The following VEGFC variants were observed in gnomAD, a reference collection of about 807,000 sequenced individuals.
VEGFC encodes the protein vascular endothelial growth factor C.
A neutral mutation model predicts 46.1 loss-of-function variants in VEGFC; 12 were observed. The ratio of observed to expected loss-of-function variants is 0.26; its 90% CI spans 0.17 to 0.42. The LOEUF (loss-of-function observed/expected upper bound fraction) is 0.42, where lower values mean the gene tolerates loss of function less well. Ranked by LOEUF, VEGFC falls within the 10% of genes least tolerant of loss-of-function variation. VEGFC has a pLI of 1.00. For missense variants in VEGFC, 488 were observed against 529.4 expected (o/e 0.92, Z 0.77); for synonymous variants, 232 against 195.5 (o/e 1.19, Z -1.56).
intron 1 of VEGFC, among the ~76,000 whole-genome samples, chr4:176,730,309 T>C (rs189561695): frequency 3.3e-5 from 5 of 152,262 alleles, no homozygotes; most frequent in Non-Finnish European, 7.4e-5. Context: ...GAAAATTTTA[T>C]CATCAAGATT....
intron 1 of VEGFC, among the ~76,000 whole-genome samples, chr4:176,752,451 C>T (rs1399869253): frequency 6.6e-6 from 1 of 152,018 alleles, no homozygotes; most frequent in East Asian, 1.9e-4. Flanking sequence ...AAGGTTACTG[C>T]CAACAAAACT....
At chr4:176,773,443 T>C (rs1029553506) in intron 1 of VEGFC, among the ~76,000 whole-genome samples, 9 of 152,166 alleles carry the variant, frequency 5.9e-5, no homozygotes, top group African/African-American at 2.2e-4. Context: ...ACTCTCAAAA[T>C]AGTTAGTGAA....
intron 4 of VEGFC, among the ~76,000 whole-genome samples, chr4:176,692,596 C>A (rs1462351430): frequency 1.5e-5 from 2 of 135,652 alleles, no homozygotes; most frequent in Non-Finnish European, 3.0e-5. Flanking sequence ...ACAAAGCAGC[C>A]GGGAAGCTCG....
intron 1 of VEGFC, among the ~76,000 whole-genome samples, chr4:176,735,632 G>T (rs1263969749): frequency 6.6e-6 from 1 of 151,846 alleles, no homozygotes; most frequent in Non-Finnish European, 1.5e-5. Context: ...AATGGAAATT[G>T]TGAAACACAA....
intron 1 of VEGFC, among the ~76,000 whole-genome samples, chr4:176,765,376 G>A (rs775038252): frequency 3.3e-5 from 5 of 151,758 alleles, no homozygotes; most frequent in African/African-American, 4.8e-5. Flanking sequence ...GGAGGATAGA[G>A]ACTATAAAGA....
chr4:176,721,177 A>G (rs1235898449), intron 3 of VEGFC, among the ~76,000 whole-genome samples: 1 of 152,180 alleles, frequency 6.6e-6, no homozygotes, highest in African/African-American at 2.4e-5. Flanking sequence ...TTGAGGCTGG[A>G]CACTTAGGTA....
chr4:176,765,233 T>C (rs1348491424), intron 1 of VEGFC, among the ~76,000 whole-genome samples: 2 of 151,558 alleles, frequency 1.3e-5, no homozygotes, highest in African/African-American at 4.9e-5. Context: ...AAAGGATTAG[T>C]GAACTGGAAG....
At chr4:176,715,243 G>T (rs1197566942) in intron 3 of VEGFC, among the ~76,000 whole-genome samples, 1 of 152,098 alleles carries the variant, frequency 6.6e-6, no homozygotes, top group Non-Finnish European at 1.5e-5. Context: ...TTGTCAAAAG[G>T]AACAGAGATT....
intron 1 of VEGFC, among the ~76,000 whole-genome samples, chr4:176,781,731 T>C (rs749619773): frequency 2.6e-5 from 4 of 152,238 alleles, no homozygotes; most frequent in Non-Finnish European, 5.9e-5. Flanking sequence ...CTCATTTAAT[T>C]GTAAACAAAG....
rs1218941903 is a variant in VEGFC, at chr4:176,740,077, TATATATTCTATATATTCTATAC to T, written c.148-10353_148-10332del. On this transcript the variant is annotated intron_variant, in intron 1 of 6. Transcript: ENST00000618562. ...ATATAGAATATATATAACTATATAT[TATATATTCTATATATTCTATAC>T]ATATATTCTATATATATATTCTATA... Among the ~76,000 whole-genome samples the T allele has an allele frequency of 6.8e-5, 8 of 117,856 alleles. No homozygotes were observed. In the Admixed American group the frequency reaches 8.4e-4, roughly 12 times the overall value. The allele number at this position is 117,856 out of a possible 152,430, so 77.3% of individuals were successfully genotyped here. A position where few individuals can be genotyped will look rare whatever the true frequency, so the allele number is the denominator to read the frequency against.
intron 1 of VEGFC, among the ~76,000 whole-genome samples, chr4:176,784,216 G>A (rs539694608): frequency 2.0e-5 from 3 of 151,692 alleles, no homozygotes; most frequent in African/African-American, 4.8e-5. Context: ...ATACAGGCAC[G>A]TGTCACCATG....
At chr4:176,770,277 C>T (rs755673706) in intron 1 of VEGFC, among the ~76,000 whole-genome samples, 1 of 152,156 alleles carries the variant, frequency 6.6e-6, no homozygotes. Flanking sequence ...AATTAATAGG[C>T]CACATTTAAC....
chr4:176,791,862 T>G (rs1736099102), intron 1 of VEGFC, among the ~76,000 whole-genome samples: 1 of 152,170 alleles, frequency 6.6e-6, no homozygotes, highest in Admixed American at 6.5e-5. Flanking sequence ...CCCCGCTGAC[T>G]GGGCAGGGTT....
chr4:176,750,998 G>A (rs1322359747), intron 1 of VEGFC, among the ~76,000 whole-genome samples: 1 of 151,604 alleles, frequency 6.6e-6, no homozygotes, highest in Non-Finnish European at 1.5e-5. Flanking sequence ...CAAACTTGTG[G>A]GAAGAAGTTA....
chr4:176,714,920 TG>T (rs1734673813), intron 3 of VEGFC, among the ~76,000 whole-genome samples: 1 of 152,222 alleles, frequency 6.6e-6, no homozygotes. Context: ...TGTGGCTCTA[TG>T]CTTTCAAAGG....
At chr4:176,774,169 G>A (rs1735770720) in intron 1 of VEGFC, among the ~76,000 whole-genome samples, 1 of 151,930 alleles carries the variant, frequency 6.6e-6, no homozygotes, top group African/African-American at 2.4e-5. Flanking sequence ...ATATTATACA[G>A]TTTATTTATG....
rs565818581 is a variant in VEGFC at position 176,711,717 on chromosome 4, T to C, written c.553-67A>G. 1.1e-4 allele frequency: 174 copies of C among 1,530,920 alleles called. No homozygotes were observed. The African/African-American group carries it at 1.2e-3, about 11-fold the overall frequency. The allele number at this position is 1,530,920 out of a possible 1,614,324, so 94.8% of individuals were successfully genotyped here. On this transcript the variant is annotated intron_variant, in intron 3 of 6. Transcript: ENST00000618562. ...CTGTAAAGCACTTTTATGGTAAATA[T>C]TGGAGTCCGAAAAAGAGTGAGATTA... is the stretch of plus-strand genomic sequence containing the variant.
intron 3 of VEGFC, among the ~76,000 whole-genome samples, chr4:176,721,096 A>G (rs907520336): frequency 1.3e-5 from 2 of 152,148 alleles, no homozygotes; most frequent in African/African-American, 4.8e-5. Flanking sequence ...ACAGATATTG[A>G]CATAACCCAA....
chr4:176,714,598 A>G (rs1734667884), intron 3 of VEGFC, among the ~76,000 whole-genome samples: 2 of 152,188 alleles, frequency 1.3e-5, no homozygotes, highest in Non-Finnish European at 2.9e-5. Flanking sequence ...ACTATTTGAG[A>G]TAACTAACAG....
Sources: allele counts gnomAD v4.1 joint callset (sites outside exome capture counted in the v4.1 genomes callset), GRCh38; gene constraint gnomAD v4.1.1; transcripts MANE v1.5; gene names NCBI Gene and HGNC (gene_info 2026-07-23, HGNC 2026-07-21).